SPTBN5: variants seen among roughly 807,000 people sequenced by gnomAD.
SPTBN5 encodes the protein spectrin beta, non-erythrocytic 5.
A neutral mutation model predicts 477.6 loss-of-function variants in SPTBN5; 513 were observed. The ratio of observed to expected loss-of-function variants is 1.07; its 90% confidence interval spans 1.00 to 1.16. The LOEUF (loss-of-function observed/expected upper bound fraction) is 1.16, where lower values mean the gene tolerates loss of function less well. Ranked by LOEUF, SPTBN5 falls within the 50% of genes most tolerant of loss-of-function variation. The probability of loss-of-function intolerance (pLI) is 0.00; values close to 1 mark genes in which losing one functional copy is unlikely to be tolerated. For synonymous variants in SPTBN5, 2,169 were observed against 2,011.7 expected (o/e 1.08, Z -2.09); for missense variants, 5,062 against 4,731.8 (o/e 1.07, Z -2.05).
chr15:41,861,366 C>A, intron 46 of SPTBN5, 53 bp downstream of exon 46: 2 of 1,524,634 alleles, frequency 1.3e-6, no homozygotes, highest in Non-Finnish European at 9.1e-7. Context: ...GGTTTGACCC[C>A]TAATGCTGCT....
At chr15:41,887,108 G>A (rs961524286) in intron 6 of SPTBN5, 105 bp downstream of exon 6, 1 of 1,029,532 alleles carries the variant, frequency 9.7e-7, no homozygotes, top group East Asian at 2.6e-5. Flanking sequence ...GAAGTTGGGT[G>A]ACTTGGCCAA....
chr15:41,871,446 C>A lies in SPTBN5; in HGVS notation c.5376G>T (p.Leu1792=). 1 of 1,541,846 alleles carries A rather than the reference C, an allele frequency of 6.5e-7. No individual in the cohort carries two copies. The highest frequency in any genetic ancestry group is 8.8e-7 in the Non-Finnish European group (1 of 1,142,624). ...MGSQRVAACR[L]LAESLLERGH... ...CACGCTCTAGCAGGCTCTCCGCCAG[C>A]AGCCGGCAGGCGGCCACCCGCTGGC... Residue 1792 remains leucine (L), a synonymous_variant, in exon 29 of 68, where the codon CTG becomes CTT. Coordinates refer to ENST00000320955, the MANE Select transcript of SPTBN5 (RefSeq NM_016642.4).
At position 41,854,923 on chromosome 15, in the gene SPTBN5, C is replaced by T; in HGVS notation, c.9477G>A (p.Gln3159=). The T allele has an allele frequency of 1.9e-6, 3 of 1,582,472 alleles. No individual in the cohort carries two copies. The highest frequency in any genetic ancestry group is 2.6e-6 in the Non-Finnish European group (3 of 1,166,560). The stretch of plus-strand genomic sequence containing the variant: ...ACTTCCTCAGGGCATACACCTTGGC[C>T]TGGCCCAGGCTCTGCACTTCCTTTC... ...AFRKEVQSLG[Q]AKVYALRKLA... The change falls in exon 56 of 68, where the codon CAG becomes CAA. Residue 3159 remains glutamine (Q), a synonymous_variant. Coordinates refer to ENST00000320955, the MANE Select transcript of SPTBN5 (RefSeq NM_016642.4).
chr15:41,848,921 GC>G (rs2065648801), intron 67 of SPTBN5, among the ~76,000 whole-genome samples: 2 of 152,208 alleles, frequency 1.3e-5, no homozygotes, highest in African/African-American at 4.8e-5. Context: ...AGCCTCAGGA[GC>G]CACTGTGTCC....
intron 13 of SPTBN5, 148 bp from the exon 14 acceptor site, chr15:41,880,460 C>T: frequency 1.2e-6 from 1 of 835,560 alleles, no homozygotes; most frequent in East Asian, 2.7e-5. Context: ...ACTGCTGGGC[C>T]CCACATCCTC....
intron 16 of SPTBN5, 141 bp downstream of exon 16, chr15:41,879,119 G>T: frequency 2.0e-6 from 2 of 1,003,838 alleles, no homozygotes; most frequent in Non-Finnish European, 2.8e-6. Flanking sequence ...ATTTTCTCCT[G>T]ATCATCCCCC....
At chr15:41,880,478 G>T (rs79737274) in intron 13 of SPTBN5, among the ~76,000 whole-genome samples, 166 bp from the exon 14 acceptor site, 2,503 of 152,340 alleles carry the variant, frequency 0.016, 70 homozygotes, top group African/African-American at 0.058. Context: ...CTCTCTCAGA[G>T]CCCTCTTGGC....
Position 41,878,327 on chromosome 15 carries a change from C to T in SPTBN5, c.3470+15G>A. On this transcript the variant is annotated intron_variant, in intron 17 of 67. Coordinates refer to ENST00000320955, the MANE Select transcript of SPTBN5 (RefSeq NM_016642.4). Reference sequence around the variant, plus strand: ...CCCAGCCCAAAGTGCACCCCTTCTGCCCTCCTGTCCTGACCTCTCCTGCCA... The same window carrying T: ...CCCAGCCCAAAGTGCACCCCTTCTGTCCTCCTGTCCTGACCTCTCCTGCCA... The T allele has an allele frequency of 6.2e-7, 1 of 1,610,056 alleles. No homozygotes were observed. The highest frequency in any genetic ancestry group is 8.5e-7 in the Non-Finnish European group (1 of 1,177,432).
chr15:41,873,350 TGG>T, intron 26 of SPTBN5, 140 bp downstream of exon 26: 1 of 653,680 alleles, frequency 1.5e-6, no homozygotes, highest in Non-Finnish European at 2.7e-6. Flanking sequence ...GGGATCTGGG[TGG>T]GAAGTGGGGA....
intron 23 of SPTBN5, 109 bp downstream of exon 23, chr15:41,874,733 A>T (rs2066662940): frequency 1.8e-6 from 2 of 1,129,414 alleles, no homozygotes; most frequent in Non-Finnish European, 2.5e-6. Flanking sequence ...GAATGACTCT[A>T]CTCATAAGGG....
intron 35 of SPTBN5, 38 bp from the exon 36 acceptor site, chr15:41,867,164 G>T: frequency 6.7e-7 from 1 of 1,501,506 alleles, no homozygotes; most frequent in South Asian, 1.3e-5. Flanking sequence ...CTCCCACCCT[G>T]GGCTGGGGCA....
chr15:41,864,239 C>T (rs923451397), intron 39 of SPTBN5, among the ~76,000 whole-genome samples: 1 of 152,202 alleles, frequency 6.6e-6, no homozygotes, highest in Non-Finnish European at 1.5e-5. Flanking sequence ...GAGCCTGCAG[C>T]CCCAGAGTCA....
chr15:41,880,014 C>T, intron 14 of SPTBN5, 146 bp downstream of exon 14: 2 of 1,410,298 alleles, frequency 1.4e-6, no homozygotes, highest in South Asian at 2.9e-5. Flanking sequence ...TCCTTAAGGG[C>T]CAGGAGGCCC....
chr15:41,848,881 A>C (rs998480517), intron 67 of SPTBN5, among the ~76,000 whole-genome samples: 3 of 152,212 alleles, frequency 2.0e-5, no homozygotes, highest in Non-Finnish European at 4.4e-5. Context: ...GCCCTGGGTT[A>C]GAGACAGCAG....
At chr15:41,890,918 A>C (rs565770344) in intron 3 of SPTBN5, among the ~76,000 whole-genome samples, 1 of 152,328 alleles carries the variant, frequency 6.6e-6, no homozygotes, top group South Asian at 2.1e-4. Context: ...GTGGAATCAC[A>C]TAGCTCCAAG....
rs556903732 is a variant in SPTBN5, at chr15:41,879,779, C to T, written c.2897G>A (p.Gly966Glu). ...SAEQLRQRYP[G>E]NSTQIQRQQE... ...CTGTCGTTGGATTTGTGTGGAGTTC[C>T]CAGGATATCTCTGCCTCAGTTGCTC... Residue 966 changes from glycine to glutamate, a missense_variant, in exon 15 of 68, where the codon GGG (glycine) becomes GAG (glutamate). By Grantham distance (98) the Gly-to-Glu change is moderately conservative. Transcript: ENST00000320955. The T allele has an allele frequency of 4.3e-6, 7 of 1,614,034 alleles. No homozygotes were observed. The highest frequency in any genetic ancestry group is 5.9e-6 in the Non-Finnish European group (7 of 1,179,900).
intron 66 of SPTBN5, 82 bp downstream of exon 66, chr15:41,850,771 AG>A: frequency 8.3e-7 from 1 of 1,200,470 alleles, no homozygotes; most frequent in Non-Finnish European, 1.2e-6. Flanking sequence ...AAACCTCCCT[AG>A]GATGCATAAA....
Position 41,874,966 on chromosome 15 carries a change from G to A in SPTBN5, c.4378C>T (p.Arg1460Trp), listed in dbSNP as rs762488542. Residue 1460 changes from arginine (R) to tryptophan (W), a missense_variant, in exon 23 of 68, where the codon CGG (arginine) becomes TGG (tryptophan). By Grantham distance (101) the Arg-to-Trp change is moderately radical. Transcript: ENST00000320955. ...DLRSSQRLQK[R>W]HQQLESESRT... ...CTCTCACTCTCCAGCTGTTGGTGCC[G>A]TTTCTGCAGCCTCTGGCTGGAGCGC... is the stretch of plus-strand genomic sequence containing the variant. 45 of 1,613,678 alleles carry A rather than the reference G, an allele frequency of 2.8e-5. No individual in the cohort carries two copies. In the East Asian group the frequency reaches 5.1e-4, roughly 18 times the overall value.
In SPTBN5 at chr15:41,883,360, C is replaced by T. The variant is rs767390343; in HGVS notation, c.1647G>A (p.Leu549=). ...GTCCAGTGCCCACCTGCAGCTCCTC[C>T]AGCTGGTGGGAGGCAGCCTCCACCT... ...LQEVEAASHQ[L]EELQEPARST... The change falls in exon 8 of 68, where the codon CTG becomes CTA. Residue 549 remains leucine (L), a synonymous_variant. Coordinates refer to ENST00000320955, the MANE Select transcript of SPTBN5 (RefSeq NM_016642.4). The T allele has an allele frequency of 1.2e-6, 2 of 1,613,360 alleles. No individual in the cohort carries two copies. The highest frequency in any genetic ancestry group is 1.7e-6 in the Non-Finnish European group (2 of 1,179,790).
Sources: gnomAD v4.1 joint callset for allele counts (sites outside exome capture counted in the v4.1 genomes callset) on GRCh38, gnomAD v4.1.1 for gene constraint, MANE v1.5 for transcripts, NCBI Gene and HGNC (gene_info 2026-07-23, HGNC 2026-07-21) for gene names.